KHDRBS2: variants seen among roughly 807,000 people sequenced by gnomAD.
KHDRBS2 encodes KH RNA binding domain containing, signal transduction associated 2.
KHDRBS2 carries 26 observed loss-of-function variants against 44.3 expected under a neutral mutation model. The observed-to-expected ratio is 0.59, with a 90% CI of 0.43 to 0.81. The LOEUF is 0.81. Among genes scored for constraint, KHDRBS2 ranks in the 40% least tolerant of loss-of-function variants. The pLI is 0.00. For missense variants in KHDRBS2, 476 were observed against 433.1 expected, an observed-to-expected ratio of 1.10 and a Z score of -0.88; for synonymous variants, 194 against 151.1, an observed-to-expected ratio of 1.28 and a Z score of -2.08.
intron 1 of KHDRBS2, among the ~76,000 whole-genome samples, chr6:62,222,543 C>T (rs1349896144): frequency 6.6e-6 from 1 of 152,102 alleles, no homozygotes; most frequent in African/African-American, 2.4e-5. Context: ...CAAATTATCT[C>T]CCACCAGGTC....
chr6:61,961,489 G>T (rs1768711866), intron 4 of KHDRBS2, among the ~76,000 whole-genome samples: 1 of 151,840 alleles, frequency 6.6e-6, no homozygotes, highest in Admixed American at 6.6e-5. Context: ...GAAAGAGACA[G>T]TACTACAGGG....
chr6:62,016,262 T>C (rs1781185631), intron 3 of KHDRBS2, among the ~76,000 whole-genome samples: 1 of 152,076 alleles, frequency 6.6e-6, no homozygotes, highest in Non-Finnish European at 1.5e-5. Flanking sequence ...TCATCACATG[T>C]AATAATTTTT....
At position 62,187,707 on chromosome 6, in the gene KHDRBS2, G is replaced by A. The variant is rs578003159; in HGVS notation, c.92-10395C>T. On this transcript the variant is annotated intron_variant, in intron 1 of 8. Coordinates refer to ENST00000281156, the MANE Select transcript of KHDRBS2 (RefSeq NM_152688.4). ...CTATGGTTTGGTTTAATTTTTTTGC[G>A]GGGGAGGGGACGTTGTTTGCTCTTT... 1.2e-3 allele frequency among the ~76,000 whole-genome samples: 180 copies of A among 151,974 alleles called. 1 individual carries two copies. The highest frequency in any genetic ancestry group is 4.0e-3 in the African/African-American group (167 of 41,446).
chr6:62,145,083 C>T (rs573433237), intron 2 of KHDRBS2, among the ~76,000 whole-genome samples: 1 of 152,062 alleles, frequency 6.6e-6, no homozygotes, highest in East Asian at 1.9e-4. Context: ...GTACAGCTTG[C>T]AGAGCCATGA....
At chr6:62,012,468 C>A (rs993084073) in intron 3 of KHDRBS2, among the ~76,000 whole-genome samples, 1 of 152,136 alleles carries the variant, frequency 6.6e-6, no homozygotes, top group Non-Finnish European at 1.5e-5. Context: ...CACTTCAAGT[C>A]CTTTCTATTT....
intron 6 of KHDRBS2, among the ~76,000 whole-genome samples, chr6:61,769,602 C>G (rs1269033624): frequency 2.0e-5 from 3 of 151,256 alleles, no homozygotes; most frequent in African/African-American, 7.3e-5. Context: ...AGTCCAAGAT[C>G]AAACTGCAAG....
At chr6:62,047,299 G>A (rs1324198454) in intron 3 of KHDRBS2, among the ~76,000 whole-genome samples, 3 of 151,874 alleles carry the variant, frequency 2.0e-5, no homozygotes, top group Admixed American at 2.0e-4. Flanking sequence ...AAATAATGTA[G>A]TACAGATGTG....
chr6:61,893,949 A>G (rs949771323), intron 6 of KHDRBS2, among the ~76,000 whole-genome samples: 1 of 152,192 alleles, frequency 6.6e-6, no homozygotes, highest in African/African-American at 2.4e-5. Context: ...CACTATTAGT[A>G]AATTTTCCCT....
chr6:62,003,067 A>G (rs1290846966), intron 3 of KHDRBS2, among the ~76,000 whole-genome samples: 1 of 151,914 alleles, frequency 6.6e-6, no homozygotes, highest in Non-Finnish European at 1.5e-5. Flanking sequence ...TTTTTTTTCC[A>G]ACTGATTATC....
intron 6 of KHDRBS2, among the ~76,000 whole-genome samples, chr6:61,851,188 A>G (rs1197317085): frequency 6.6e-6 from 1 of 152,044 alleles, no homozygotes; most frequent in African/African-American, 2.4e-5. Context: ...TGTTGAAAAA[A>G]TGAGAAAAAA....
At chr6:61,883,457 T>A (rs1323917110) in intron 6 of KHDRBS2, among the ~76,000 whole-genome samples, 6 of 152,070 alleles carry the variant, frequency 3.9e-5, no homozygotes. Flanking sequence ...ACATTAGTCA[T>A]CATGTTAATT....
At chr6:62,188,442 G>A (rs1203095730) in intron 1 of KHDRBS2, among the ~76,000 whole-genome samples, 2 of 152,008 alleles carry the variant, frequency 1.3e-5, no homozygotes, top group Non-Finnish European at 2.9e-5. Context: ...TGTCCTCCAG[G>A]TCCATCCATG....
intron 6 of KHDRBS2, among the ~76,000 whole-genome samples, chr6:61,777,311 T>C (rs1378447428): frequency 6.6e-6 from 1 of 151,598 alleles, no homozygotes; most frequent in Non-Finnish European, 1.5e-5. Context: ...TAAAAAAAAT[T>C]CCACTGGGTC....
chr6:62,056,638 A>G (rs1298717604), intron 2 of KHDRBS2, among the ~76,000 whole-genome samples: 1 of 152,008 alleles, frequency 6.6e-6, no homozygotes, highest in African/African-American at 2.4e-5. Context: ...TTAAAAATTA[A>G]GAACAATTCA....
chr6:62,093,847 T>C (rs1799969634), intron 2 of KHDRBS2, among the ~76,000 whole-genome samples: 1 of 136,312 alleles, frequency 7.3e-6, no homozygotes, highest in Non-Finnish European at 1.6e-5. Flanking sequence ...TGAATAGTAT[T>C]CCATTGTTTT....
At chr6:61,608,733 C>G in the KHDRBS2 span, among the ~76,000 whole-genome samples, 16 of 152,178 alleles carry the variant, frequency 1.1e-4, no homozygotes, top group African/African-American at 3.9e-4. Context: ...ATGATGGTTT[C>G]CAGTTTCATC....
intron 2 of KHDRBS2, among the ~76,000 whole-genome samples, chr6:62,106,661 A>G (rs1803424894): frequency 6.6e-6 from 1 of 152,136 alleles, no homozygotes; most frequent in Admixed American, 6.6e-5. Context: ...TTAGACCAAT[A>G]TCCTTGATGA....
intron 6 of KHDRBS2, among the ~76,000 whole-genome samples, chr6:61,825,588 T>C (rs1010091270): frequency 6.6e-6 from 1 of 152,204 alleles, no homozygotes; most frequent in African/African-American, 2.4e-5. Flanking sequence ...AAAATTCATC[T>C]AAGAAAAATC....
chr6:62,191,152 C>T (rs1824512773), intron 1 of KHDRBS2, among the ~76,000 whole-genome samples: 1 of 152,132 alleles, frequency 6.6e-6, no homozygotes. Context: ...TGTCACTACC[C>T]TGACATGTAC....
Sources: gnomAD v4.1 joint callset for allele counts (sites outside exome capture counted in the v4.1 genomes callset) on GRCh38, gnomAD v4.1.1 for gene constraint, MANE v1.5 for transcripts, NCBI Gene and HGNC (gene_info 2026-07-23, HGNC 2026-07-21) for gene names.